Variants in TNS4 observed in about 807,000 individuals in gnomAD.
The protein encoded by TNS4 is tensin-4.
A neutral mutation model predicts 70.4 loss-of-function variants in TNS4; 46 were observed. The observed-to-expected ratio is 0.65, with a 90% CI of 0.52 to 0.84. The LOEUF (loss-of-function observed/expected upper bound fraction) is 0.84. TNS4 is among the 40% of genes least tolerant of loss of function. TNS4 has a pLI of 0.00. For missense variants in TNS4, 863 were observed against 907.0 expected (o/e 0.95, Z 0.62); for synonymous variants, 390 against 366.6 (o/e 1.06, Z -0.73).
intron 4 of TNS4, 32 bp downstream of exon 4, chr17:40,487,004 T>C: frequency 6.2e-7 from 1 of 1,602,912 alleles, no homozygotes; most frequent in Non-Finnish European, 8.5e-7. Flanking sequence ...CCCCAAATCT[T>C]ACATTGCTTC....
At chr17:40,489,896 G>C (rs997287809) in intron 2 of TNS4, among the ~76,000 whole-genome samples, 1 of 150,946 alleles carries the variant, frequency 6.6e-6, no homozygotes, top group African/African-American at 2.4e-5. Flanking sequence ...GCTGCGCCTT[G>C]TGCCAATTAG....
Position 40,484,963 on chromosome 17 carries a change from T to A in TNS4, c.1333A>T (p.Thr445Ser). The A allele has an allele frequency of 1.9e-6, 3 of 1,614,194 alleles. No homozygotes were observed. Among genetic ancestry groups the A allele is most frequent in the Non-Finnish European group, 8.5e-7 (1 of 1,180,028 alleles). ...TTTGGCTTAAACCAGTATTTAGATG[T>A]GTCCATCACGAACTTCATGGTGGGC... ...MQPTMKFVMD[T>S]SKYWFKPNIT... The change falls in exon 5 of 13, where the codon ACA (threonine) becomes TCA (serine). Residue 445 changes from threonine (T) to serine (S), a missense_variant. Thr to Ser is a moderately conservative substitution (Grantham distance 58). Coordinates refer to ENST00000254051, the MANE Select transcript of TNS4 (RefSeq NM_032865.6).
intron 2 of TNS4, among the ~76,000 whole-genome samples, chr17:40,494,843 A>G (rs574645512): frequency 6.6e-6 from 1 of 152,082 alleles, no homozygotes; most frequent in East Asian, 1.9e-4. Flanking sequence ...GTAATATCTT[A>G]TGGCTCCTAT....
chr17:40,477,986 A>C, intron 12 of TNS4: 1 of 599,462 alleles, frequency 1.7e-6, no homozygotes, highest in East Asian at 2.8e-5. Context: ...GGACCTGTGC[A>C]TTCCCCATTA....
At chr17:40,498,660 C>T (rs1168535137) in intron 1 of TNS4, among the ~76,000 whole-genome samples, 4 of 152,016 alleles carry the variant, frequency 2.6e-5, no homozygotes, top group Admixed American at 6.5e-5. Context: ...GGGGCTCAAG[C>T]GATTCTCCCA....
chr17:40,500,388 C>G, intron 1 of TNS4, among the ~76,000 whole-genome samples: 1 of 152,200 alleles, frequency 6.6e-6, no homozygotes, highest in Non-Finnish European at 1.5e-5. Flanking sequence ...CTGCCCCCTT[C>G]GCGGCCCCGC....
chr17:40,478,257 C>T (rs2035875386), intron 12 of TNS4, 50 bp downstream of exon 12: 2 of 1,612,158 alleles, frequency 1.2e-6, no homozygotes, highest in Non-Finnish European at 1.7e-6. Context: ...TTTCCTTCTG[C>T]AGTTCCCTCC....
chr17:40,478,695 G>C (rs545542196), intron 10 of TNS4, 47 bp from the exon 11 acceptor site: 1 of 1,590,390 alleles, frequency 6.3e-7, no homozygotes, highest in East Asian at 2.2e-5. Context: ...GCCTGTCCCA[G>C]TGTCATCCTG....
chr17:40,501,072 C>T (rs1371397240), intron 1 of TNS4, among the ~76,000 whole-genome samples: 1 of 152,224 alleles, frequency 6.6e-6, no homozygotes, highest in Non-Finnish European at 1.5e-5. Flanking sequence ...GTCTGTGATC[C>T]TGAGACCATC....
chr17:40,482,855 C>G (rs1416162758), intron 6 of TNS4, among the ~76,000 whole-genome samples: 1 of 152,068 alleles, frequency 6.6e-6, no homozygotes, highest in Non-Finnish European at 1.5e-5. Flanking sequence ...CACATCTGCT[C>G]AATGGCTCCA....
intron 12 of TNS4, 67 bp from the exon 13 acceptor site, chr17:40,477,796 G>A: frequency 1.3e-6 from 2 of 1,486,130 alleles, no homozygotes. Context: ...TGGGAATGGG[G>A]TGGTGGGGGG....
chr17:40,496,183 C>CAG lies in TNS4; in HGVS notation c.242_243insCT (p.Ser82CysfsTer28). 1 of 1,607,124 alleles carries CAG rather than the reference C, an allele frequency of 6.2e-7. No homozygotes were observed. Among genetic ancestry groups the CAG allele is most frequent in the Non-Finnish European group, 8.5e-7 (1 of 1,176,696 alleles). ...TCCCCAAGGCCTTCTCACCAGGGGA[C>CAG]GGCAGGAAGCAGGTGGCTTTGGCCT... On this transcript the variant is annotated frameshift_variant, in exon 2 of 13. Transcript: ENST00000254051. LOFTEE classifies it high-confidence loss of function.
Position 40,487,449 on chromosome 17 carries a change from A to G in TNS4, c.875T>C (p.Leu292Pro). The G allele has an allele frequency of 6.2e-7, 1 of 1,606,382 alleles. No individual in the cohort carries two copies. The highest frequency in any genetic ancestry group is 2.2e-5 in the East Asian group (1 of 44,702). Residue 292 changes from leucine (L) to proline (P), a missense_variant, in exon 4 of 13, where the codon CTC becomes CCC. Physicochemically the swap from Leu to Pro is moderately conservative, Grantham distance 98 (BLOSUM62 -3). Coordinates refer to ENST00000254051, the MANE Select transcript of TNS4 (RefSeq NM_032865.6). ...VSYMFGSSQS[L>P]LHSSNSSHQS... Reference sequence around the variant, plus strand: ...ATGGCTGGAGTTGCTGGAGTGCAGGAGGGACTGGCTGCTGCAGCGGGAGAG... The same window carrying G: ...ATGGCTGGAGTTGCTGGAGTGCAGGGGGGACTGGCTGCTGCAGCGGGAGAG...
At chr17:40,479,437 G>A (rs1280871831) in intron 10 of TNS4, among the ~76,000 whole-genome samples, 3 of 152,124 alleles carry the variant, frequency 2.0e-5, no homozygotes, top group Admixed American at 1.3e-4. Context: ...ATGAGCCACC[G>A]TGCCCGGCCC....
intron 2 of TNS4, among the ~76,000 whole-genome samples, chr17:40,492,482 C>G (rs1001291620): frequency 7.9e-5 from 12 of 152,130 alleles, no homozygotes; most frequent in African/African-American, 2.7e-4. Context: ...GATTCTCCCA[C>G]CTCAGCCTCC....
At chr17:40,498,810 A>G (rs531580242) in intron 1 of TNS4, among the ~76,000 whole-genome samples, 4 of 152,220 alleles carry the variant, frequency 2.6e-5, no homozygotes, top group African/African-American at 9.6e-5. Context: ...CGGCCTCCCA[A>G]AGTGCTAGGA....
At chr17:40,480,176 G>A (rs1302090650) in intron 9 of TNS4, among the ~76,000 whole-genome samples, 2 of 152,168 alleles carry the variant, frequency 1.3e-5, no homozygotes, top group Non-Finnish European at 2.9e-5. Context: ...CCATCTTCAA[G>A]GTCTTGGTTC....
intron 5 of TNS4, 119 bp downstream of exon 5, chr17:40,484,802 C>T: frequency 1.5e-6 from 2 of 1,375,030 alleles, no homozygotes; most frequent in Non-Finnish European, 2.0e-6. Flanking sequence ...GCAGGACATC[C>T]CCCTCCCCCG....
rs1355153493 is a variant in TNS4, at chr17:40,481,423, G to C, written c.1673-655C>G. Among the ~76,000 whole-genome samples the C allele has an allele frequency of 3.3e-5, 5 of 152,234 alleles. No homozygotes were observed. In the East Asian group the frequency reaches 9.6e-4, roughly 29 times the overall value. The stretch of plus-strand genomic sequence containing the variant: ...TCTGTCACCCAGGCTAGAGTGCAGT[G>C]GTGCGATCTTAGCTCACTGCAACCT... On this transcript the variant is annotated intron_variant, in intron 8 of 12. Coordinates refer to ENST00000254051, the MANE Select transcript of TNS4 (RefSeq NM_032865.6).
Sources: gnomAD v4.1 joint callset for allele counts (sites outside exome capture counted in the v4.1 genomes callset) on GRCh38, gnomAD v4.1.1 for gene constraint, MANE v1.5 for transcripts, NCBI Gene and HGNC (gene_info 2026-07-23, HGNC 2026-07-21) for gene names.